The following VPS13D variants were observed in gnomAD, a reference collection of about 807,000 sequenced individuals.
VPS13D encodes the protein vacuolar protein sorting 13 homolog D.
Under a neutral mutation model 461.9 loss-of-function variants are expected in VPS13D, and 187 were observed. That is an observed-to-expected ratio of 0.40 (90% CI 0.36 to 0.46). The LOEUF is 0.46. Among genes scored for constraint, VPS13D ranks in the 20% least tolerant of loss-of-function variants. The probability of loss-of-function intolerance (pLI) is 0.60; values close to 1 mark genes in which losing one functional copy is unlikely to be tolerated. For missense variants in VPS13D, 4,711 were observed against 5,364.9 expected, an observed-to-expected ratio of 0.88 and a Z score of 3.81; for synonymous variants, 1,951 against 1,986.3, an observed-to-expected ratio of 0.98 and a Z score of 0.47.
rs555092441 is a variant in VPS13D at position 12,247,665 on chromosome 1, T to C, written c.448-1558T>C. Reference sequence around the variant, plus strand: ...GTATTTACTGGCCACTTGTGTATCTTTTTTTTGGAGAAATGTCTATTTGAA... The same window carrying C: ...GTATTTACTGGCCACTTGTGTATCTCTTTTTTGGAGAAATGTCTATTTGAA... On this transcript the variant is annotated intron_variant, in intron 5 of 69. Coordinates refer to ENST00000620676, the MANE Select transcript of VPS13D (RefSeq NM_015378.4). Among the ~76,000 whole-genome samples, 3 of 152,134 alleles carry C rather than the reference T, an allele frequency of 2.0e-5. No homozygotes were observed. The East Asian group carries it at 5.8e-4, about 29-fold the overall frequency.
chr1:12,266,849 A>G (rs767593707), intron 13 of VPS13D, 32 bp from the exon 14 acceptor site: 3 of 1,508,062 alleles, frequency 2.0e-6, no homozygotes, highest in Non-Finnish European at 2.7e-6. Flanking sequence ...TCTCATAAGC[A>G]TTGTATCAAC....
At chr1:12,306,854 T>G (rs762011831) in intron 26 of VPS13D, among the ~76,000 whole-genome samples, 5 of 152,130 alleles carry the variant, frequency 3.3e-5, no homozygotes, top group Non-Finnish European at 7.4e-5. Flanking sequence ...ATCCTTCTCT[T>G]AGGCAATTCC....
chr1:12,250,096 T>C lies in VPS13D; in HGVS notation c.564+757T>C, dbSNP rs149539600. ...AGGGAAACACTTTACTTACATTTGC[T>C]GGTTTATAATAAACGGTGTTATGAG... is the stretch of plus-strand genomic sequence containing the variant. On this transcript the variant is annotated intron_variant, in intron 6 of 69. Coordinates refer to ENST00000620676, the MANE Select transcript of VPS13D (RefSeq NM_015378.4). Among the ~76,000 whole-genome samples the C allele has an allele frequency of 2.4e-4, 37 of 152,354 alleles. 1 individual carries two copies. The East Asian group carries it at 5.2e-3, about 21-fold the overall frequency.
chr1:12,307,216 G>C (rs1048180653), intron 26 of VPS13D, among the ~76,000 whole-genome samples: 3 of 152,262 alleles, frequency 2.0e-5, no homozygotes, highest in African/African-American at 7.2e-5. Context: ...ATAGACTAAT[G>C]AAAAAGACAT....
intron 53 of VPS13D, among the ~76,000 whole-genome samples, chr1:12,368,822 T>C (rs1644075032): frequency 6.6e-6 from 1 of 152,220 alleles, no homozygotes; most frequent in South Asian, 2.1e-4. Context: ...ATCTTTTAGC[T>C]CCCAGATTTA....
intron 2 of VPS13D, among the ~76,000 whole-genome samples, chr1:12,241,044 G>A (rs931848192): frequency 6.6e-6 from 1 of 151,948 alleles, no homozygotes; most frequent in Non-Finnish European, 1.5e-5. Context: ...GGGCTCAAGC[G>A]ATCCTCCTGC....
At chr1:12,285,134 C>T (rs1352975498) in intron 21 of VPS13D, among the ~76,000 whole-genome samples, 1 of 152,054 alleles carries the variant, frequency 6.6e-6, no homozygotes. Flanking sequence ...GAATTTTTGA[C>T]AAACATTTTT....
chr1:12,333,151 A>G lies in VPS13D; in HGVS notation c.8288-75A>G. ...TTAAGCTCGAGTTTGTCCTTGCTGA[A>G]CATTTGCGAGCAGTGTTCCCCTATA... On this transcript the variant is annotated intron_variant, in intron 37 of 69. Transcript: ENST00000620676. The G allele has an allele frequency of 2.0e-6, 3 of 1,523,866 alleles. No homozygotes were observed. The South Asian group carries it at 3.8e-5, about 19-fold the overall frequency. 94.4% of individuals were successfully genotyped at this position (1,523,866 alleles called of 1,614,324 possible). A position where few individuals can be genotyped will look rare whatever the true frequency, so the allele number is the denominator to read the frequency against.
intron 61 of VPS13D, among the ~76,000 whole-genome samples, chr1:12,400,960 G>GCACACACACACACACACA (rs1348890891): frequency 8.4e-5 from 11 of 130,962 alleles, no homozygotes; most frequent in Non-Finnish European, 1.6e-4. Context: ...ACCTGCGCGC[G>GCACACACACACACACACA]CGCACACACA....
At chr1:12,307,102 A>G (rs1249513307) in intron 26 of VPS13D, among the ~76,000 whole-genome samples, 1 of 152,190 alleles carries the variant, frequency 6.6e-6, no homozygotes, top group Non-Finnish European at 1.5e-5. Context: ...GTAACTAATA[A>G]AAAACTAATT....
chr1:12,244,285 G>A lies in VPS13D; in HGVS notation c.215G>A (p.Arg72His), dbSNP rs1569651895. ...GKVTLQIPFYRPHVDPWVISI... is the reference protein window; with the variant it reads ...GKVTLQIPFYHPHVDPWVISI... ...GTAACCCTTCAGATTCCCTTTTATC[G>A]CCCCCATGTGGACCCTTGGGTGATC... Residue 72 changes from arginine to histidine, a missense_variant, in exon 4 of 70, where the codon CGC (arginine) becomes CAC (histidine). Physicochemically the swap from Arg to His is conservative, Grantham distance 29. This residue lies in a region of VPS13D where 4,411 missense variants were observed against 4,937.8 expected (regional missense o/e 0.89). Coordinates refer to ENST00000620676, the MANE Select transcript of VPS13D (RefSeq NM_015378.4). 1.9e-6 allele frequency: 3 copies of A among 1,613,156 alleles called. No homozygotes were observed. Among genetic ancestry groups the A allele is most frequent in the African/African-American group, 1.3e-5 (1 of 74,802 alleles).
At position 12,456,261 on chromosome 1, in the gene VPS13D, T is replaced by G. The variant is rs1354860608; in HGVS notation, c.12466+131T>G. 4 of 1,362,524 alleles carry G rather than the reference T, an allele frequency of 2.9e-6. No individual in the cohort carries two copies. In the African/African-American group the frequency reaches 5.9e-5, roughly 20 times the overall value. The allele number at this position is 1,362,524 out of a possible 1,614,324, so 84.4% of individuals were successfully genotyped here. A position where few individuals can be genotyped will look rare whatever the true frequency, so the allele number is the denominator to read the frequency against. On this transcript the variant is annotated intron_variant, in intron 66 of 69. Transcript: ENST00000620676. ...GCTCATGCTTGTAATCCCAGCATTT[T>G]GGGAGGCCTAGGAGAGTGGATCATG...
intron 39 of VPS13D, chr1:12,337,410 G>C (rs1022517649): frequency 1.3e-5 from 2 of 152,198 alleles, no homozygotes; most frequent in African/African-American, 4.8e-5. Flanking sequence ...TTCAAGAATA[G>C]TAAGTCATAT....
intron 31 of VPS13D, among the ~76,000 whole-genome samples, chr1:12,319,239 T>C (rs1035164706): frequency 6.6e-6 from 1 of 152,208 alleles, no homozygotes. Flanking sequence ...CTGTCTAGTT[T>C]AGAAATATTC....
chr1:12,402,027 T>C (rs1644588800), intron 62 of VPS13D, among the ~76,000 whole-genome samples: 2 of 152,206 alleles, frequency 1.3e-5, no homozygotes. Flanking sequence ...ATGACAGAAA[T>C]GATATTAGTC....
intron 63 of VPS13D, among the ~76,000 whole-genome samples, chr1:12,410,760 T>C (rs1041204808): frequency 3.3e-5 from 5 of 152,186 alleles, no homozygotes; most frequent in Non-Finnish European, 7.3e-5. Flanking sequence ...AACAGAAATA[T>C]GTAAGAAGGC....
intron 65 of VPS13D, among the ~76,000 whole-genome samples, chr1:12,417,535 A>G (rs1020834349): frequency 6.6e-6 from 1 of 152,174 alleles, no homozygotes; most frequent in Non-Finnish European, 1.5e-5. Flanking sequence ...TTTTTCATGA[A>G]TGAACTCATT....
intron 36 of VPS13D, among the ~76,000 whole-genome samples, chr1:12,328,530 G>A (rs540483794): frequency 1.3e-5 from 2 of 151,584 alleles, no homozygotes; most frequent in Non-Finnish European, 2.9e-5. Context: ...ACTGCAAGCA[G>A]TGTGAAGTTG....
intron 21 of VPS13D, 21 bp from the exon 22 acceptor site, chr1:12,288,202 C>G: frequency 6.3e-7 from 1 of 1,597,646 alleles, no homozygotes; most frequent in African/African-American, 1.3e-5. Context: ...ATTGGCCTTG[C>G]TTTATCTTGT....
Sources: gnomAD v4.1 joint callset for allele counts (sites outside exome capture counted in the v4.1 genomes callset) on GRCh38, gnomAD v4.1.1 for gene constraint, gnomAD v4.1.1 regional missense constraint, MANE v1.5 for transcripts, NCBI Gene and HGNC (gene_info 2026-07-23, HGNC 2026-07-21) for gene names.